CD38: variants seen among roughly 807,000 people sequenced by gnomAD.
CD38 encodes ADP-ribosyl cyclase/cyclic ADP-ribose hydrolase 1.
Under a neutral mutation model 36.3 loss-of-function variants are expected in CD38, and 31 were observed. The ratio of observed to expected loss-of-function variants is 0.85; its 90% CI spans 0.64 to 1.15. The LOEUF is 1.15. CD38 is among the 50% of genes most tolerant of loss of function. The pLI is 0.00. For missense variants in CD38, 380 were observed against 371.9 expected, an observed-to-expected ratio of 1.02 and a Z score of -0.18; for synonymous variants, 131 against 135.2, an observed-to-expected ratio of 0.97 and a Z score of 0.22.
chr4:15,840,148 T>C, intron 6 of CD38, 30 bp downstream of exon 6: 2 of 1,459,356 alleles, frequency 1.4e-6, no homozygotes, highest in Admixed American at 3.3e-5. Context: ...ACCCAAGTGT[T>C]ATTTTATGAA....
At chr4:15,823,306 A>G (rs1418577571) in intron 2 of CD38, among the ~76,000 whole-genome samples, 3 of 152,372 alleles carry the variant, frequency 2.0e-5, no homozygotes, top group South Asian at 4.1e-4. Context: ...TTGTAACAAA[A>G]GCAAAAATTG....
rs561955778 is a variant in CD38 at position 15,851,297 on chromosome 4, T to C, written c.*2695T>C. ...CTGACCTACATGTATAAATACCCCC[T>C]CACAATATATATTACTTTTCCTATA... is the stretch of plus-strand genomic sequence containing the variant. On this transcript the variant is annotated 3_prime_UTR_variant, in exon 8 of 8. Transcript: ENST00000226279. 2.0e-5 allele frequency: 3 copies of C among 152,304 alleles called. No homozygotes were observed. The South Asian group carries it at 6.2e-4, about 32-fold the overall frequency. The allele number at this position is 152,304 out of a possible 1,614,324, so 9.4% of individuals were successfully genotyped here.
rs1577627088 is a variant in CD38, at chr4:15,778,769, C to T, written c.233+122C>T. ...CCGTGGCGGGTCAGCCGAGAGCCCG[C>T]CGGGTGGTGCTGAGTAGGGAGTCCC... is the stretch of plus-strand genomic sequence containing the variant. On this transcript the variant is annotated intron_variant, in intron 1 of 7. Coordinates refer to ENST00000226279, the MANE Select transcript of CD38 (RefSeq NM_001775.4). The surrounding 1 kb of genome is among the most constrained non-coding windows in gnomAD (Gnocchi z 4.9). 1.4e-6 allele frequency: 1 copy of T among 696,148 alleles called. No homozygotes were observed. 43.1% of individuals were successfully genotyped at this position (696,148 alleles called of 1,614,324 possible). A position where few individuals can be genotyped will look rare whatever the true frequency, so the allele number is the denominator to read the frequency against.
intron 1 of CD38, among the ~76,000 whole-genome samples, chr4:15,782,653 G>A (rs1037295221): frequency 1.2e-4 from 18 of 152,248 alleles, no homozygotes; most frequent in South Asian, 8.3e-4. Flanking sequence ...CCCAGTGAAC[G>A]ACCTAATACC....
intron 1 of CD38, among the ~76,000 whole-genome samples, chr4:15,815,335 T>C (rs534609435): frequency 3.3e-5 from 5 of 152,328 alleles, no homozygotes; most frequent in East Asian, 1.9e-4. Flanking sequence ...GGGAATAGCA[T>C]TGAATCTATC....
chr4:15,786,006 C>A (rs1324962095), intron 1 of CD38, among the ~76,000 whole-genome samples: 1 of 150,928 alleles, frequency 6.6e-6, no homozygotes, highest in African/African-American at 2.4e-5. Flanking sequence ...TGGAGTTGTT[C>A]GTTCCTCCCA....
chr4:15,788,336 A>G (rs1722886825), intron 1 of CD38, among the ~76,000 whole-genome samples: 1 of 152,158 alleles, frequency 6.6e-6, no homozygotes, highest in African/African-American at 2.4e-5. Context: ...TTTCCTTGTG[A>G]TTCTGCATTA....
rs192408399 is a variant in CD38 at position 15,808,881 on chromosome 4, G to T, written c.234-7630G>T. Among the ~76,000 whole-genome samples the T allele has an allele frequency of 1.4e-4, 22 of 152,286 alleles. 1 individual carries two copies. The East Asian group carries it at 4.1e-3, about 28-fold the overall frequency. On this transcript the variant is annotated intron_variant, in intron 1 of 7. Coordinates refer to ENST00000226279, the MANE Select transcript of CD38 (RefSeq NM_001775.4). ...TTCTTTCTCTAAAAATATTGTAGGG[G>T]GCTCGCCCTCTGTTCTTGGAAGCAA...
At chr4:15,786,792 G>A (rs979350371) in intron 1 of CD38, among the ~76,000 whole-genome samples, 4 of 152,224 alleles carry the variant, frequency 2.6e-5, no homozygotes, top group South Asian at 2.1e-4. Context: ...GGTGCTCGTC[G>A]GGGAGGCTCC....
At chr4:15,848,222 C>G (rs376860456) in intron 7 of CD38, among the ~76,000 whole-genome samples, 8 of 152,154 alleles carry the variant, frequency 5.3e-5, no homozygotes, top group African/African-American at 1.9e-4. Flanking sequence ...TGCTGAGGGT[C>G]TCCAGCTTTT....
chr4:15,826,458 C>T (rs1308283827), intron 3 of CD38, among the ~76,000 whole-genome samples: 2 of 96,148 alleles, frequency 2.1e-5, no homozygotes, highest in Non-Finnish European at 4.0e-5. Flanking sequence ...CACTTTTGTG[C>T]GCACACACAC....
rs931985096 is a variant in CD38, at chr4:15,851,035, C to A, written c.*2433C>A. The stretch of plus-strand genomic sequence containing the variant: ...TTTTGAAATTTCCCCTAGGAAGACT[C>A]ATTTGAGTGTTCAAGTTCAGAGCCA... On this transcript the variant is annotated 3_prime_UTR_variant, in exon 8 of 8. Transcript: ENST00000226279. 1 of 152,188 alleles carries A rather than the reference C, an allele frequency of 6.6e-6. No homozygotes were observed. Among genetic ancestry groups the A allele is most frequent in the African/African-American group, 2.4e-5 (1 of 41,428 alleles). The allele number at this position is 152,188 out of a possible 1,614,324, so 9.4% of individuals were successfully genotyped here. A position where few individuals can be genotyped will look rare whatever the true frequency, so the allele number is the denominator to read the frequency against.
chr4:15,834,506 G>A (rs964562589), intron 4 of CD38, among the ~76,000 whole-genome samples: 125 of 152,156 alleles, frequency 8.2e-4, no homozygotes, highest in Non-Finnish European at 2.1e-4. Flanking sequence ...GGGTCCATGG[G>A]CTCCAGTTGC....
Position 15,825,015 on chromosome 4 carries a change from C to T in CD38, c.498C>T (p.Ser166=). Residue 166 remains serine, a splice_region_variant and synonymous_variant, in exon 3 of 8, where the codon TCC becomes TCT. Transcript: ENST00000226279. ...CATGGTGTGGTGAATTCAACACTTCCAGTGAGGCTCTGGGCCCTGTGGGAT... is the reference window on the plus strand; with the variant it reads ...CATGGTGTGGTGAATTCAACACTTCTAGTGAGGCTCTGGGCCCTGTGGGAT... ...DLTWCGEFNT[S]KINYQSCPDW... is the part of the protein sequence containing the mutation. 1 of 1,608,044 alleles carries T rather than the reference C, an allele frequency of 6.2e-7. No homozygotes were observed. The highest frequency in any genetic ancestry group is 2.2e-5 in the East Asian group (1 of 44,704).
intron 1 of CD38, among the ~76,000 whole-genome samples, chr4:15,789,146 G>A (rs1195236934): frequency 3.3e-5 from 5 of 152,054 alleles, no homozygotes; most frequent in Admixed American, 2.0e-4. Context: ...TTATTTCCAC[G>A]TTTTAGGTAT....
At chr4:15,779,969 C>A (rs1414625347) in intron 1 of CD38, among the ~76,000 whole-genome samples, 8 of 152,152 alleles carry the variant, frequency 5.3e-5, no homozygotes, top group Non-Finnish European at 1.2e-4. Context: ...ATTCATCCAA[C>A]AAGTATCTGT....
intron 1 of CD38, among the ~76,000 whole-genome samples, chr4:15,789,676 A>T (rs1267211025): frequency 6.6e-6 from 1 of 152,092 alleles, no homozygotes; most frequent in Non-Finnish European, 1.5e-5. Flanking sequence ...TTCATGGATT[A>T]CTGATTAATA....
chr4:15,783,305 G>A (rs1220917869), intron 1 of CD38, among the ~76,000 whole-genome samples: 1 of 152,224 alleles, frequency 6.6e-6, no homozygotes, highest in African/African-American at 2.4e-5. Context: ...CCTAGGGGAA[G>A]CTGGGAATTT....
At chr4:15,809,884 C>T (rs1480513086) in intron 1 of CD38, among the ~76,000 whole-genome samples, 1 of 152,210 alleles carries the variant, frequency 6.6e-6, no homozygotes, top group Non-Finnish European at 1.5e-5. Context: ...CAGTCCCAAT[C>T]CCTTTTTATT....
Sources: allele counts gnomAD v4.1 joint callset (sites outside exome capture counted in the v4.1 genomes callset), GRCh38; gene constraint gnomAD v4.1.1; non-coding constraint Gnocchi (gnomAD v3.1); transcripts MANE v1.5; gene names NCBI Gene and HGNC (gene_info 2026-07-23, HGNC 2026-07-21).